The following ANKH variants were observed in gnomAD, a reference collection of about 807,000 sequenced individuals.
ANKH encodes the protein ANKH inorganic pyrophosphate transport regulator.
In ANKH, 15 loss-of-function variants were observed where a neutral mutation model predicts 49.0. The ratio of observed to expected loss-of-function variants is 0.31; its 90% CI spans 0.20 to 0.47. ANKH has a LOEUF of 0.47. Among genes scored for constraint, ANKH ranks in the 20% least tolerant of loss-of-function variants. The pLI is 1.00. For synonymous variants in ANKH, 273 were observed against 260.0 expected (o/e 1.05, Z -0.48); for missense variants, 429 against 652.0 (o/e 0.66, Z 3.72).
intron 8 of ANKH, among the ~76,000 whole-genome samples, chr5:14,735,201 C>T (rs1738136259): frequency 6.6e-6 from 1 of 152,156 alleles, no homozygotes; most frequent in South Asian, 2.1e-4. Context: ...TTACCTGTAT[C>T]AAAATGGCTC....
At chr5:14,712,352 TCA>T (rs1424821029) in intron 11 of ANKH, among the ~76,000 whole-genome samples, 1 of 152,222 alleles carries the variant, frequency 6.6e-6, no homozygotes, top group African/African-American at 2.4e-5. Flanking sequence ...CTCCCTTTTC[TCA>T]GACAATGATG....
At chr5:14,735,803 C>A (rs966333381) in intron 8 of ANKH, among the ~76,000 whole-genome samples, 1 of 152,100 alleles carries the variant, frequency 6.6e-6, no homozygotes, top group Non-Finnish European at 1.5e-5. Context: ...CTACCAGAAC[C>A]TCATCTTAAC....
intron 1 of ANKH, among the ~76,000 whole-genome samples, chr5:14,817,748 G>C (rs1204313362): frequency 1.3e-5 from 2 of 152,232 alleles, no homozygotes; most frequent in Admixed American, 6.5e-5. Context: ...CACCTGGAGA[G>C]AGGTGTGTCA....
chr5:14,836,641 A>C (rs1437507485), intron 1 of ANKH, among the ~76,000 whole-genome samples: 1 of 152,236 alleles, frequency 6.6e-6, no homozygotes, highest in Non-Finnish European at 1.5e-5. Flanking sequence ...ATGGAAGAAC[A>C]TTCCATGCTC....
intron 1 of ANKH, among the ~76,000 whole-genome samples, chr5:14,810,760 C>A (rs1740856435): frequency 6.6e-6 from 1 of 152,158 alleles, no homozygotes; most frequent in African/African-American, 2.4e-5. Context: ...GATGAACTTT[C>A]TGTTTCTATG....
At chr5:14,811,319 T>C (rs1381901686) in intron 1 of ANKH, among the ~76,000 whole-genome samples, 2 of 152,188 alleles carry the variant, frequency 1.3e-5, no homozygotes, top group Non-Finnish European at 2.9e-5. Context: ...AAGAGAAACC[T>C]GTGCGGTCTT....
At chr5:14,788,342 T>G (rs1194119485) in intron 1 of ANKH, 2 of 152,252 alleles carry the variant, frequency 1.3e-5, no homozygotes, top group Non-Finnish European at 2.9e-5. Context: ...CTGTCATGTA[T>G]TTACTCAAAG....
At chr5:14,751,358 G>T in intron 4 of ANKH, 119 bp from the exon 5 acceptor site, 1 of 1,103,696 alleles carries the variant, frequency 9.1e-7, no homozygotes, top group Non-Finnish European at 1.3e-6. Flanking sequence ...TGACTTTTAT[G>T]CAAACAGAAC....
At chr5:14,795,769 G>A (rs1178210219) in intron 1 of ANKH, among the ~76,000 whole-genome samples, 1 of 151,782 alleles carries the variant, frequency 6.6e-6, no homozygotes, top group Non-Finnish European at 1.5e-5. Flanking sequence ...GAAGCACAAG[G>A]ATCAGTTGAA....
chr5:14,727,540 G>A lies in ANKH; in HGVS notation c.1012-10705C>T, dbSNP rs112902215. ...CCTCAAACAGCAGGGGGCGCCATGC[G>A]CCAAGCCCGCAGAGGGTTGTCCAAC... On this transcript the variant is annotated intron_variant, in intron 8 of 11. Transcript: ENST00000284268. Among the ~76,000 whole-genome samples, 692 of 151,800 alleles carry A rather than the reference G, an allele frequency of 4.6e-3. 6 individuals are homozygous for A. Among genetic ancestry groups the A allele is most frequent in the Non-Finnish European group, 6.0e-3 (411 of 67,962 alleles).
At chr5:14,735,487 A>T (rs1738145553) in intron 8 of ANKH, among the ~76,000 whole-genome samples, 1 of 152,218 alleles carries the variant, frequency 6.6e-6, no homozygotes, top group African/African-American at 2.4e-5. Flanking sequence ...TTCCTTTCAG[A>T]AATCATAGTT....
intron 3 of ANKH, among the ~76,000 whole-genome samples, chr5:14,756,462 G>A (rs1265829152): frequency 6.6e-6 from 1 of 152,178 alleles, no homozygotes; most frequent in Non-Finnish European, 1.5e-5. Context: ...ATGCTACGAG[G>A]GGAGCAGACG....
intron 6 of ANKH, among the ~76,000 whole-genome samples, chr5:14,748,385 G>A (rs897940199): frequency 6.6e-6 from 1 of 152,232 alleles, no homozygotes; most frequent in African/African-American, 2.4e-5. Flanking sequence ...AAGGGCTCCG[G>A]GCCGCTCCCC....
chr5:14,829,027 T>C (rs1192967963), intron 1 of ANKH, among the ~76,000 whole-genome samples: 1 of 151,724 alleles, frequency 6.6e-6, no homozygotes, highest in African/African-American at 2.4e-5. Context: ...CTATTAAAAA[T>C]ACAAAAATTA....
In ANKH at chr5:14,741,364, G is replaced by A. The variant is rs191796068; in HGVS notation, c.1011+463C>T. On this transcript the variant is annotated intron_variant, in intron 8 of 11. Coordinates refer to ENST00000284268, the MANE Select transcript of ANKH (RefSeq NM_054027.6). ...AGCAGACAGATGGGCCTGGGATCCC[G>A]CAGGGGCTCAATGCCTATGGGCACG... 1.1e-4 allele frequency: 21 copies of A among 197,360 alleles called. No homozygotes were observed. The East Asian group carries it at 3.0e-3, about 28-fold the overall frequency. 12.2% of individuals were successfully genotyped at this position (197,360 alleles called of 1,614,324 possible).
chr5:14,831,473 G>C (rs927273088), intron 1 of ANKH, among the ~76,000 whole-genome samples: 21 of 152,296 alleles, frequency 1.4e-4, no homozygotes, highest in African/African-American at 4.1e-4. Context: ...CAAGGCACTA[G>C]AATGACATTT....
chr5:14,749,869 G>T (rs1460310925), intron 5 of ANKH, among the ~76,000 whole-genome samples: 3 of 152,242 alleles, frequency 2.0e-5, no homozygotes, highest in Non-Finnish European at 4.4e-5. Context: ...AAGAACAAGG[G>T]ATTCCTAAGA....
chr5:14,726,106 T>G (rs1349326781), intron 8 of ANKH, among the ~76,000 whole-genome samples: 1 of 152,176 alleles, frequency 6.6e-6, no homozygotes, highest in Non-Finnish European at 1.5e-5. Context: ...AGCCAGCGTC[T>G]TGGGAAACCA....
At chr5:14,828,710 T>C (rs1741419724) in intron 1 of ANKH, among the ~76,000 whole-genome samples, 1 of 152,198 alleles carries the variant, frequency 6.6e-6, no homozygotes, top group South Asian at 2.1e-4. Flanking sequence ...ATATATTTAA[T>C]GGCCTGGACT....
Sources: gnomAD v4.1 joint callset for allele counts (sites outside exome capture counted in the v4.1 genomes callset) on GRCh38, gnomAD v4.1.1 for gene constraint, MANE v1.5 for transcripts, NCBI Gene and HGNC (gene_info 2026-07-23, HGNC 2026-07-21) for gene names.